Variants in CARM1 observed in about 807,000 individuals in gnomAD.
CARM1 encodes the protein histone-arginine methyltransferase CARM1.
Under a neutral mutation model 72.7 loss-of-function variants are expected in CARM1, and 14 were observed. That is an observed-to-expected ratio of 0.19 (90% CI 0.13 to 0.30). The LOEUF (loss-of-function observed/expected upper bound fraction) is 0.30, where lower values mean the gene tolerates loss of function less well. CARM1 is among the 10% of genes least tolerant of loss of function. The pLI is 1.00. For missense variants in CARM1, 432 were observed against 833.7 expected (o/e 0.52, Z 5.93); for synonymous variants, 333 against 345.5 (o/e 0.96, Z 0.40).
At position 10,884,809 on chromosome 19, in the gene CARM1, A is replaced by T. The variant is rs529360730; in HGVS notation, c.220+12887A>T. ...AACCTCCGCCTCCCGGGTTCAAGCG[A>T]TTCTCCTCCCTCAGCCTCCCGAGTA... On this transcript the variant is annotated intron_variant, in intron 1 of 15. Transcript: ENST00000327064. Among the ~76,000 whole-genome samples, 89 of 152,026 alleles carry T rather than the reference A, an allele frequency of 5.9e-4. 1 individual carries two copies. Among genetic ancestry groups the T allele is most frequent in the Admixed American group, 1.3e-3 (20 of 15,264 alleles).
intron 1 of CARM1, among the ~76,000 whole-genome samples, chr19:10,888,582 A>G (rs2073958402): frequency 6.6e-6 from 1 of 152,182 alleles, no homozygotes; most frequent in Non-Finnish European, 1.5e-5. Flanking sequence ...CCCAGCAGAC[A>G]GCATGTGGAG....
intron 1 of CARM1, among the ~76,000 whole-genome samples, chr19:10,898,375 TAG>T (rs1271752470): frequency 1.3e-5 from 2 of 151,938 alleles, no homozygotes. Context: ...CTCCTGGCTC[TAG>T]AGTCTGCTTT....
chr19:10,879,334 A>G (rs1465990210), intron 1 of CARM1, among the ~76,000 whole-genome samples: 1 of 152,226 alleles, frequency 6.6e-6, no homozygotes, highest in East Asian at 1.9e-4. Flanking sequence ...GCCAGCTGCA[A>G]GGGATGCTGG....
intron 1 of CARM1, among the ~76,000 whole-genome samples, chr19:10,877,089 C>T (rs995037542): frequency 6.6e-6 from 1 of 152,034 alleles, no homozygotes; most frequent in African/African-American, 2.4e-5. Flanking sequence ...GAACCAGGGG[C>T]CCTTGTGACT....
intron 4 of CARM1, among the ~76,000 whole-genome samples, chr19:10,911,122 C>T (rs1248812882): frequency 6.6e-6 from 1 of 151,616 alleles, no homozygotes; most frequent in Admixed American, 6.6e-5. Context: ...AACTTCTGGC[C>T]TCAAGCAGTT....
At position 10,871,941 on chromosome 19, in the gene CARM1, G is replaced by A; in HGVS notation, c.220+19G>A. On this transcript the variant is annotated intron_variant, in intron 1 of 15. Coordinates refer to ENST00000327064, the MANE Select transcript of CARM1 (RefSeq NM_199141.2). This position sits in a 1 kb window ranked among gnomAD's most constrained non-coding sequence, Gnocchi z 5.6. The stretch of plus-strand genomic sequence containing the variant: ...TACAGCCGTGAGTACGGGGCCCCGG[G>A]GCAGGCGCAGGGCCGGGGCTGCTCA... 1 of 1,181,082 alleles carries A rather than the reference G, an allele frequency of 8.5e-7. No individual in the cohort carries two copies. The highest frequency in any genetic ancestry group is 1.0e-6 in the Non-Finnish European group (1 of 954,788). The allele number at this position is 1,181,082 out of a possible 1,614,324, so 73.2% of individuals were successfully genotyped here. A position where few individuals can be genotyped will look rare whatever the true frequency, so the allele number is the denominator to read the frequency against.
Position 10,914,057 on chromosome 19 carries a change from G to C in CARM1, c.847+3G>C. 6.2e-7 allele frequency: 1 copy of C among 1,609,852 alleles called. No homozygotes were observed. Among genetic ancestry groups the C allele is most frequent in the Non-Finnish European group, 8.5e-7 (1 of 1,178,370 alleles). ...CAAGAAGTACCTGAAGCCCAGCGGT[G>C]AGCACTGGGGGGTACACAGGCCAGG... On this transcript the variant is annotated splice_donor_region_variant and intron_variant, in intron 6 of 15. Transcript: ENST00000327064.
At position 10,921,831 on chromosome 19, in the gene CARM1, T is replaced by C; in HGVS notation, c.*74T>C. The C allele has an allele frequency of 1.4e-6, 2 of 1,457,130 alleles. No individual in the cohort carries two copies. The highest frequency in any genetic ancestry group is 1.3e-5 in the South Asian group (1 of 75,720). The allele number at this position is 1,457,130 out of a possible 1,614,324, so 90.3% of individuals were successfully genotyped here. A position where few individuals can be genotyped will look rare whatever the true frequency, so the allele number is the denominator to read the frequency against. ...GCCCGCCGCCCCCGCCGGGCGGCTT[T>C]CCCCCTTGTACTGGAGAAGCTCGAA... is the stretch of plus-strand genomic sequence containing the variant. On this transcript the variant is annotated 3_prime_UTR_variant, in exon 16 of 16. Coordinates refer to ENST00000327064, the MANE Select transcript of CARM1 (RefSeq NM_199141.2).
intron 1 of CARM1, among the ~76,000 whole-genome samples, chr19:10,878,106 A>G (rs2062608408): frequency 6.6e-6 from 1 of 152,164 alleles, no homozygotes; most frequent in African/African-American, 2.4e-5. Flanking sequence ...GAGCCTCAGA[A>G]GTAGCTGGGA....
intron 2 of CARM1, among the ~76,000 whole-genome samples, chr19:10,906,989 C>T (rs1021941572): frequency 2.6e-5 from 4 of 151,452 alleles, no homozygotes; most frequent in African/African-American, 9.7e-5. Flanking sequence ...TCACTGCAAC[C>T]TCCACCTCCC....
chr19:10,920,584 T>C lies in CARM1; in HGVS notation c.1334+11T>C, dbSNP rs1290955930. 3 of 1,613,832 alleles carry C rather than the reference T, an allele frequency of 1.9e-6. No homozygotes were observed. Among genetic ancestry groups the C allele is most frequent in the Non-Finnish European group, 1.7e-6 (2 of 1,179,810 alleles). ...TATTGCCAACAAAAGGTGCGACTGC[T>C]CCCTGGGGCTGGTGGTGGTGGGCAG... is the stretch of plus-strand genomic sequence containing the variant. On this transcript the variant is annotated intron_variant, in intron 11 of 15. Transcript: ENST00000327064. This position sits in a 1 kb window ranked among gnomAD's most constrained non-coding sequence, Gnocchi z 5.3.
chr19:10,921,568 G>A, intron 15 of CARM1, 47 bp from the exon 16 acceptor site: 1 of 1,582,574 alleles, frequency 6.3e-7, no homozygotes, highest in South Asian at 1.1e-5. Context: ...CTGCCTGGGG[G>A]CTGGGCGGGC....
intron 1 of CARM1, 38 bp from the exon 2 acceptor site, chr19:10,904,911 CAG>C (rs1568352683): frequency 6.3e-7 from 1 of 1,597,988 alleles, no homozygotes; most frequent in Non-Finnish European, 8.6e-7. Flanking sequence ...AGGCAGCTGA[CAG>C]GGCTGCACCG....
rs1183286106 is a variant in CARM1, at chr19:10,916,129, C to T, written c.848-278C>T. ...CTTCCCCGTGAGTCTTTGGCAGGTC[C>T]CTCACACCTGCCAGGTCTAGTAATA... On this transcript the variant is annotated intron_variant, in intron 6 of 15. Coordinates refer to ENST00000327064, the MANE Select transcript of CARM1 (RefSeq NM_199141.2). This position sits in a 1 kb window ranked among gnomAD's most constrained non-coding sequence, Gnocchi z 4.4. 6.6e-6 allele frequency among the ~76,000 whole-genome samples: 1 copy of T among 152,208 alleles called. No homozygotes were observed. The highest frequency in any genetic ancestry group is 1.5e-5 in the Non-Finnish European group (1 of 68,034).
intron 3 of CARM1, 61 bp downstream of exon 3, chr19:10,908,206 C>G: frequency 1.8e-6 from 2 of 1,084,670 alleles, no homozygotes; most frequent in Non-Finnish European, 1.4e-6. Context: ...GCCACTCACC[C>G]GCAGGAGGCC....
intron 1 of CARM1, among the ~76,000 whole-genome samples, chr19:10,881,548 G>A (rs1288648459): frequency 6.6e-6 from 1 of 152,122 alleles, no homozygotes; most frequent in Non-Finnish European, 1.5e-5. Context: ...TGAGAGCCAA[G>A]GGGCGGTCAC....
At chr19:10,903,401 A>G (rs1453345648) in intron 1 of CARM1, among the ~76,000 whole-genome samples, 1 of 152,206 alleles carries the variant, frequency 6.6e-6, no homozygotes, top group Admixed American at 6.5e-5. Context: ...ATGATGGGCT[A>G]TTCAAAAGCA....
At chr19:10,901,689 C>G (rs1199022337) in intron 1 of CARM1, among the ~76,000 whole-genome samples, 1 of 152,060 alleles carries the variant, frequency 6.6e-6, no homozygotes, top group African/African-American at 2.4e-5. Context: ...TGCCTGTAAT[C>G]CCAGCACTTT....
chr19:10,882,883 A>G (rs922864033), intron 1 of CARM1, among the ~76,000 whole-genome samples: 1 of 152,044 alleles, frequency 6.6e-6, no homozygotes, highest in Admixed American at 6.6e-5. Flanking sequence ...AGAGAACCCC[A>G]TCTCCTCTGC....
Sources: allele counts gnomAD v4.1 joint callset (sites outside exome capture counted in the v4.1 genomes callset), GRCh38; gene constraint gnomAD v4.1.1; non-coding constraint Gnocchi (gnomAD v3.1); transcripts MANE v1.5; gene names NCBI Gene and HGNC (gene_info 2026-07-23, HGNC 2026-07-21).